The following MYH13 variants were observed in gnomAD, a reference collection of about 807,000 sequenced individuals.
MYH13 encodes the protein myosin-13.
Under a neutral mutation model 232.1 loss-of-function variants are expected in MYH13, and 177 were observed. The ratio of observed to expected loss-of-function variants is 0.76; its 90% CI spans 0.67 to 0.86. The LOEUF is 0.86. Among genes scored for constraint, MYH13 ranks in the 40% least tolerant of loss-of-function variants. MYH13 has a pLI of 0.00. For synonymous variants in MYH13, 884 were observed against 923.5 expected, an observed-to-expected ratio of 0.96 and a Z score of 0.78; for missense variants, 2,246 against 2,405.9, an observed-to-expected ratio of 0.93 and a Z score of 1.39.
intron 7 of MYH13, among the ~76,000 whole-genome samples, chr17:10,358,679 A>G (rs2071768095): frequency 6.6e-6 from 1 of 152,102 alleles, no homozygotes; most frequent in Non-Finnish European, 1.5e-5. Context: ...GCTTGAGCCC[A>G]GGAGTTTGAA....
In MYH13 at chr17:10,312,713, T is replaced by C. The variant is rs780314509; in HGVS notation, c.4226A>G (p.Glu1409Gly). The C allele has an allele frequency of 6.2e-7, 1 of 1,613,668 alleles. No homozygotes were observed. Among genetic ancestry groups the C allele is most frequent in the Admixed American group, 1.7e-5 (1 of 59,968 alleles). The change falls in exon 31 of 41, where the codon GAG becomes GGG. Residue 1409 changes from glutamate to glycine, a missense_variant. Coordinates refer to ENST00000252172, the MANE Select transcript of MYH13 (RefSeq NM_003802.3). ...QRLQEAEENT[E>G]TANSKCASLE... is the part of the protein sequence containing the mutation. The stretch of plus-strand genomic sequence containing the variant: ...CGATGCGCACTTGGAGTTCGCCGTC[T>C]CCGTGTTCTCCTCTGCTTCCTGGAG...
intron 2 of MYH13, among the ~76,000 whole-genome samples, chr17:10,366,840 G>A (rs917220182): frequency 6.6e-6 from 1 of 152,322 alleles, no homozygotes; most frequent in Non-Finnish European, 1.5e-5. Context: ...GTGATTCTGT[G>A]GGGTTCTGTC....
chr17:10,314,596 G>C (rs1471074280), intron 29 of MYH13, among the ~76,000 whole-genome samples: 1 of 152,090 alleles, frequency 6.6e-6, no homozygotes, highest in African/African-American at 2.4e-5. Context: ...CCATACAACA[G>C]AAAGATGGGA....
At chr17:10,324,754 A>ATTTTTTTT (rs1907137100) in intron 22 of MYH13, 1 of 48,994 alleles carries the variant, frequency 2.0e-5, no homozygotes, top group African/African-American at 8.1e-5. Context: ...GTCCATATAC[A>ATTTTTTTT]TGTTTTTTTT....
chr17:10,357,748 T>C lies in MYH13; in HGVS notation c.725A>G (p.Asn242Ser), dbSNP rs1464948975. 3.1e-6 allele frequency: 5 copies of C among 1,613,052 alleles called. No individual in the cohort carries two copies. The highest frequency in any genetic ancestry group is 1.1e-5 in the South Asian group (1 of 90,872). Residue 242 changes from asparagine (N) to serine (S), a missense_variant, in exon 8 of 41, where the codon AAC becomes AGC. Coordinates refer to ENST00000252172, the MANE Select transcript of MYH13 (RefSeq NM_003802.3). The part of the protein sequence containing the change: ...FGNAKTVRND[N>S]SSRFGKFIRI... ...GCCGGATCTTACAAATCTTGAGGAG[T>C]TGTCATTCCTCACAGTCTTGGCATT...
chr17:10,332,530 G>A (rs756543549), intron 19 of MYH13, among the ~76,000 whole-genome samples: 38 of 152,194 alleles, frequency 2.5e-4, no homozygotes, highest in Non-Finnish European at 4.9e-4. Flanking sequence ...GAAATCAACC[G>A]TGACCTGTAG....
At chr17:10,344,153 A>G in intron 15 of MYH13, 44 bp from the exon 16 acceptor site, 2 of 1,592,928 alleles carry the variant, frequency 1.3e-6, no homozygotes, top group Non-Finnish European at 1.7e-6. Context: ...GTGCATACCC[A>G]TGCTTCATGG....
At chr17:10,349,092 C>G (rs1567669491) in intron 12 of MYH13, among the ~76,000 whole-genome samples, 1 of 149,810 alleles carries the variant, frequency 6.7e-6, no homozygotes, top group East Asian at 2.0e-4. Flanking sequence ...CCCTCTCTCT[C>G]TCTTTCTCTT....
At chr17:10,312,451 T>C in intron 31 of MYH13, 123 bp downstream of exon 31, 2 of 1,183,680 alleles carry the variant, frequency 1.7e-6, no homozygotes, top group African/African-American at 3.1e-5. Flanking sequence ...ACTGTTGTTT[T>C]CACCACTGCC....
chr17:10,324,109 A>C lies in MYH13; in HGVS notation c.2847T>G (p.Asp949Glu), dbSNP rs201762118. ...TGTCTCTCTTGAGAGAGGAGCATTT[A>C]TCTTCCAGATTCCTCTTCTTGGCAA... ...ELVAKKRNLEDKCSSLKRDID... is the reference protein window; with the variant it reads ...ELVAKKRNLEEKCSSLKRDID... Residue 949 changes from aspartate to glutamate, a missense_variant, in exon 23 of 41, where the codon GAT becomes GAG. Coordinates refer to ENST00000252172, the MANE Select transcript of MYH13 (RefSeq NM_003802.3). 194 of 1,613,806 alleles carry C rather than the reference A, an allele frequency of 1.2e-4. No individual in the cohort carries two copies. Among genetic ancestry groups the C allele is most frequent in the Non-Finnish European group, 1.4e-4 (171 of 1,179,906 alleles).
chr17:10,350,560 G>C lies in MYH13; in HGVS notation c.1140C>G (p.Thr380=), dbSNP rs775984184. Residue 380 remains threonine, a synonymous_variant, in exon 12 of 41, where the codon ACC becomes ACG. Coordinates refer to ENST00000252172, the MANE Select transcript of MYH13 (RefSeq NM_003802.3). ...QREEQAEPDG[T]EVADKAGYLM... ...CCCTTTCCCAGATGCAGTTACCTTCGGTGCCGTCTGGCTCCGCCTGCTCCT... is the reference window on the plus strand; with the variant it reads ...CCCTTTCCCAGATGCAGTTACCTTCCGTGCCGTCTGGCTCCGCCTGCTCCT... 4 of 1,612,026 alleles carry C rather than the reference G, an allele frequency of 2.5e-6. No individual in the cohort carries two copies. Among genetic ancestry groups the C allele is most frequent in the Non-Finnish European group, 2.5e-6 (3 of 1,179,694 alleles).
intron 2 of MYH13, among the ~76,000 whole-genome samples, chr17:10,369,603 T>C (rs2071863779): frequency 1.3e-5 from 2 of 152,216 alleles, no homozygotes; most frequent in African/African-American, 4.8e-5. Context: ...AGGGAAAGGC[T>C]GCCATAGCTG....
In MYH13 at chr17:10,359,946, G is replaced by C; in HGVS notation, c.645+14C>G. 6.2e-7 allele frequency: 1 copy of C among 1,600,836 alleles called. No individual in the cohort carries two copies. Reference sequence around the variant, plus strand: ...TATTCCAGTAAGCCTCCGGATGCAGGTGGGGCTGCTCACCTGCATTTTGCC... The same window carrying C: ...TATTCCAGTAAGCCTCCGGATGCAGCTGGGGCTGCTCACCTGCATTTTGCC... On this transcript the variant is annotated intron_variant, in intron 7 of 40. Transcript: ENST00000252172.
chr17:10,364,850 A>T (rs186508169), intron 2 of MYH13, among the ~76,000 whole-genome samples: 1 of 152,030 alleles, frequency 6.6e-6, no homozygotes. Context: ...GGTGAACTCA[A>T]TAAAAGAGGC....
chr17:10,345,236 A>T lies in MYH13; in HGVS notation c.1550T>A (p.Met517Lys). ...GAGCTCGATGCAGGCAGCCAGGTCC[A>T]TTCCGAAGTCAATGAACTCCCACTC... ...GIEWEFIDFG[M>K]DLAACIELIE... The change falls in exon 15 of 41, where the codon ATG (methionine) becomes AAG (lysine). Residue 517 changes from methionine (M) to lysine (K), a missense_variant. Coordinates refer to ENST00000252172, the MANE Select transcript of MYH13 (RefSeq NM_003802.3). The T allele has an allele frequency of 1.2e-6, 2 of 1,614,162 alleles. No homozygotes were observed. Among genetic ancestry groups the T allele is most frequent in the Non-Finnish European group, 1.7e-6 (2 of 1,180,026 alleles).
Position 10,309,338 on chromosome 17 carries a change from G to C in MYH13, c.5065C>G (p.Leu1689Val), listed in dbSNP as rs1284244783. 1 of 1,613,898 alleles carries C rather than the reference G, an allele frequency of 6.2e-7. No individual in the cohort carries two copies. The highest frequency in any genetic ancestry group is 1.7e-5 in the Admixed American group (1 of 60,014). The change falls in exon 35 of 41, where the codon CTG becomes GTG. Residue 1689 changes from leucine to valine, a missense_variant. By Grantham distance (32) the Leu-to-Val change is conservative. Transcript: ENST00000252172. ...TCCAGGGCCACCTTCATTTCCTCCA[G>C]CTCCTCCAGCAGGAGGCCATTCCTG... ...ERRNGLLLEELEEMKVALEQT... is the reference protein window; with the variant it reads ...ERRNGLLLEEVEEMKVALEQT...
At chr17:10,335,955 G>A (rs1264737507) in intron 18 of MYH13, among the ~76,000 whole-genome samples, 1 of 152,164 alleles carries the variant, frequency 6.6e-6, no homozygotes, top group African/African-American at 2.4e-5. Flanking sequence ...TTTACAGTGG[G>A]GAGGCCAGAG....
chr17:10,333,179 T>C lies in MYH13; in HGVS notation c.2069A>G (p.His690Arg). 6.5e-7 allele frequency: 1 copy of C among 1,549,964 alleles called. No individual in the cohort carries two copies. Among genetic ancestry groups the C allele is most frequent in the African/African-American group, 1.4e-5 (1 of 73,156 alleles). ...GCGCAGCTGGTGCATGACCAAGTAG[T>C]GGTCCATCACACCTGGAGAGAGAAC... Reference protein sequence around the residue: ...NETKTPGVMDHYLVMHQLRCN... With the variant: ...NETKTPGVMDRYLVMHQLRCN... The change falls in exon 19 of 41, where the codon CAC (histidine) becomes CGC (arginine). Residue 690 changes from histidine (H) to arginine (R), a missense_variant. By Grantham distance (29) the His-to-Arg change is conservative (BLOSUM62 0). Coordinates refer to ENST00000252172, the MANE Select transcript of MYH13 (RefSeq NM_003802.3).
chr17:10,323,450 G>C (rs898164856), intron 23 of MYH13, among the ~76,000 whole-genome samples: 2 of 152,012 alleles, frequency 1.3e-5, no homozygotes, highest in African/African-American at 4.8e-5. Flanking sequence ...AGAAGTTTGT[G>C]ATACAGCCAG....
Sources: allele counts gnomAD v4.1 joint callset (sites outside exome capture counted in the v4.1 genomes callset), GRCh38; gene constraint gnomAD v4.1.1; transcripts MANE v1.5; gene names NCBI Gene and HGNC (gene_info 2026-07-23, HGNC 2026-07-21).